The following MYBPC1 variants were observed in gnomAD, a reference collection of about 807,000 sequenced individuals.
MYBPC1 encodes the protein myosin binding protein C1.
MYBPC1 carries 52 observed loss-of-function variants against 147.1 expected under a neutral mutation model. That is an observed-to-expected ratio of 0.35 (90% CI 0.28 to 0.45). The LOEUF (loss-of-function observed/expected upper bound fraction) is 0.45, where lower values mean the gene tolerates loss of function less well. Among genes scored for constraint, MYBPC1 ranks in the 20% least tolerant of loss-of-function variants. The pLI, the probability that MYBPC1 is intolerant of heterozygous loss-of-function variation, is 1.00. For missense variants in MYBPC1, 1,228 were observed against 1,440.3 expected, an observed-to-expected ratio of 0.85 and a Z score of 2.39; for synonymous variants, 477 against 475.9, an observed-to-expected ratio of 1.00 and a Z score of -0.03.
intron 1 of MYBPC1, among the ~76,000 whole-genome samples, chr12:101,612,879 A>G (rs1390009876): frequency 6.6e-6 from 1 of 152,256 alleles, no homozygotes; most frequent in Admixed American, 6.5e-5. Flanking sequence ...TTGGTTGACG[A>G]TAACCCTAGT....
downstream of MYBPC1, among the ~76,000 whole-genome samples, chr12:101,688,953 CAAAA>C (rs748533294): frequency 1.5e-5 from 1 of 68,264 alleles, no homozygotes. Flanking sequence ...GACCGTATCT[CAAAA>C]AAAAAAAAAA....
In MYBPC1 at chr12:101,682,599, TG is replaced by T; in HGVS notation, c.3434-4del. 6.2e-7 allele frequency: 1 copy of T among 1,611,128 alleles called. No individual in the cohort carries two copies. Among genetic ancestry groups the T allele is most frequent in the Non-Finnish European group, 8.5e-7 (1 of 1,177,350 alleles). ...AATACTGGTACAAATATTCTGATTC[TG>T]CAGTGATATATCAAGGAGTAAATAC... On this transcript the variant is annotated splice_region_variant and splice_polypyrimidine_tract_variant and intron_variant, in intron 29 of 31. Transcript: ENST00000361466.
rs546194280 is a variant in MYBPC1, at chr12:101,666,588, C to A, written c.2357-1144C>A. The A allele has an allele frequency of 4.1e-5, 30 of 728,370 alleles. 1 individual carries two copies. In the East Asian group the frequency reaches 5.0e-4, roughly 12 times the overall value. 45.1% of individuals were successfully genotyped at this position (728,370 alleles called of 1,614,324 possible). A position where few individuals can be genotyped will look rare whatever the true frequency, so the allele number is the denominator to read the frequency against. On this transcript the variant is annotated intron_variant, in intron 22 of 31. Coordinates refer to ENST00000361466, the MANE Select transcript of MYBPC1 (RefSeq NM_002465.4). ...AGGCTGTGCTCTCCTGAGGAACCCCCCTAACACCGTTTGGTCTCTTCCGTC... is the reference window on the plus strand; with the variant it reads ...AGGCTGTGCTCTCCTGAGGAACCCCACTAACACCGTTTGGTCTCTTCCGTC...
chr12:101,683,200 T>A (rs552738522), intron 30 of MYBPC1, among the ~76,000 whole-genome samples: 1 of 151,982 alleles, frequency 6.6e-6, no homozygotes, highest in Non-Finnish European at 1.5e-5. Context: ...GAGGCTGAGG[T>A]AGGTGGATCG....
At chr12:101,626,615 A>T (rs747426115) in intron 3 of MYBPC1, among the ~76,000 whole-genome samples, 1 of 152,196 alleles carries the variant, frequency 6.6e-6, no homozygotes, top group Non-Finnish European at 1.5e-5. Flanking sequence ...TCACATAAAA[A>T]ATTTGCAGTG....
downstream of MYBPC1, among the ~76,000 whole-genome samples, chr12:101,687,067 T>A (rs1372246281): frequency 2.6e-5 from 4 of 151,830 alleles, no homozygotes; most frequent in East Asian, 1.9e-4. Flanking sequence ...CCCATTGTTT[T>A]TATATATATA....
chr12:101,618,532 G>C (rs984830795), intron 3 of MYBPC1, among the ~76,000 whole-genome samples: 2 of 152,194 alleles, frequency 1.3e-5, no homozygotes, highest in African/African-American at 4.8e-5. Context: ...TTGGAAAGGT[G>C]TTTGGGCCAG....
chr12:101,655,115 TTAGAA>T (rs55868209), intron 18 of MYBPC1, among the ~76,000 whole-genome samples: 34,041 of 151,944 alleles, frequency 0.22, 4,075 homozygotes, highest in Middle Eastern at 0.34. Flanking sequence ...CACATGTAAA[TTAGAA>T]TAGCAGTCGA....
chr12:101,681,581 TATATATATATA>T (rs1209362038), intron 29 of MYBPC1, among the ~76,000 whole-genome samples: 2 of 30,802 alleles, frequency 6.5e-5, no homozygotes, highest in African/African-American at 3.4e-4. Context: ...TATATATATA[TATATATATATA>T]TTTTTTTTTT....
At chr12:101,669,451 T>C (rs754386121) in intron 23 of MYBPC1, among the ~76,000 whole-genome samples, 10 of 152,196 alleles carry the variant, frequency 6.6e-5, no homozygotes, top group Non-Finnish European at 1.3e-4. Flanking sequence ...GGGTTGCCTA[T>C]TATGTACTTC....
rs145311859 is a variant in MYBPC1, at chr12:101,597,221, C to T, written c.25+2126C>T. ...CCTCCCTCTGAAAAATAAAACATGGCCTAGAGCCAGTTCTTCAGAATCATT... is the reference window on the plus strand; with the variant it reads ...CCTCCCTCTGAAAAATAAAACATGGTCTAGAGCCAGTTCTTCAGAATCATT... On this transcript the variant is annotated intron_variant, in intron 1 of 31. Transcript: ENST00000361466. 2.5e-3 allele frequency among the ~76,000 whole-genome samples: 376 copies of T among 152,280 alleles called. 1 individual carries two copies. The highest frequency in any genetic ancestry group is 8.8e-3 in the African/African-American group (365 of 41,554).
intron 2 of MYBPC1, chr12:101,614,796 G>T (rs1885446198): frequency 1.9e-6 from 1 of 537,344 alleles, no homozygotes. Context: ...TTATGTAAAA[G>T]TTATTATGTC....
chr12:101,649,603 C>T (rs972287939), intron 15 of MYBPC1, among the ~76,000 whole-genome samples, 177 bp downstream of exon 15: 1 of 152,076 alleles, frequency 6.6e-6, no homozygotes, highest in African/African-American at 2.4e-5. Context: ...AAGGAAGGAA[C>T]CACGACTCAA....
chr12:101,620,986 T>G lies in MYBPC1; in HGVS notation c.103+3743T>G, dbSNP rs1451487486. Among the ~76,000 whole-genome samples, 4 of 152,222 alleles carry G rather than the reference T, an allele frequency of 2.6e-5. No homozygotes were observed. The East Asian group carries it at 7.7e-4, about 29-fold the overall frequency. ...ATAACCTGAGATGAAGTCTTTCTTT[T>G]TCATGAATGTGACTGGCAGATGAGG... On this transcript the variant is annotated intron_variant, in intron 3 of 31. Transcript: ENST00000361466.
At chr12:101,691,071 CTTAT>C in the MYBPC1 span, among the ~76,000 whole-genome samples, 3 of 151,716 alleles carry the variant, frequency 2.0e-5, no homozygotes, top group Admixed American at 6.6e-5. Flanking sequence ...GATTTATTTA[CTTAT>C]TTATTTATTT....
At chr12:101,691,854 G>A in the MYBPC1 span, among the ~76,000 whole-genome samples, 2 of 152,192 alleles carry the variant, frequency 1.3e-5, no homozygotes, top group Non-Finnish European at 2.9e-5. Flanking sequence ...GGCTTGGTCT[G>A]ACACTCTATG....
At position 101,675,347 on chromosome 12, in the gene MYBPC1, C is replaced by T. The variant is rs200340651; in HGVS notation, c.2865C>T (p.Val955=). Residue 955 remains valine, a synonymous_variant, in exon 26 of 32, where the codon GTC becomes GTT. Coordinates refer to ENST00000361466, the MANE Select transcript of MYBPC1 (RefSeq NM_002465.4). ...TTGAGGATGTCTGGGGAGAAAATGTCGCTCTCACATGGACTCCACCAAAGG... is the reference window on the plus strand; with the variant it reads ...TTGAGGATGTCTGGGGAGAAAATGTTGCTCTCACATGGACTCCACCAAAGG... ...VKIEDVWGEN[V]ALTWTPPKDD... is the part of the protein sequence containing the mutation. 1.4e-4 allele frequency: 227 copies of T among 1,614,074 alleles called. 1 individual carries two copies. The highest frequency in any genetic ancestry group is 9.9e-5 in the South Asian group (9 of 91,076).
chr12:101,624,296 G>C (rs1237165663), intron 3 of MYBPC1, among the ~76,000 whole-genome samples: 1 of 152,110 alleles, frequency 6.6e-6, no homozygotes, highest in Non-Finnish European at 1.5e-5. Flanking sequence ...TTTGGGAAAA[G>C]AAATTTCAGG....
chr12:101,687,428 A>G (rs905130793), downstream of MYBPC1, among the ~76,000 whole-genome samples: 3 of 152,170 alleles, frequency 2.0e-5, no homozygotes, highest in Non-Finnish European at 4.4e-5. Context: ...GCTGCATAGT[A>G]TTCCATGGTG....
Sources: gnomAD v4.1 joint callset for allele counts (sites outside exome capture counted in the v4.1 genomes callset) on GRCh38, gnomAD v4.1.1 for gene constraint, MANE v1.5 for transcripts, NCBI Gene and HGNC (gene_info 2026-07-23, HGNC 2026-07-21) for gene names.